The following TACC3 variants were observed in gnomAD, a reference collection of about 807,000 sequenced individuals.
TACC3 encodes transforming acidic coiled-coil-containing protein 3.
Under a neutral mutation model 86.0 loss-of-function variants are expected in TACC3, and 52 were observed. The ratio of observed to expected loss-of-function variants is 0.60; its 90% confidence interval spans 0.48 to 0.76. TACC3 has a LOEUF of 0.76. TACC3 is among the 30% of genes least tolerant of loss of function. TACC3 has a pLI of 0.00. For missense variants in TACC3, 1,120 were observed against 1,070.4 expected, an observed-to-expected ratio of 1.05 and a Z score of -0.65; for synonymous variants, 512 against 430.0, an observed-to-expected ratio of 1.19 and a Z score of -2.36.
chr4:1,728,724 A>G lies in TACC3; in HGVS notation c.1322A>G (p.Gln441Arg). 6.2e-7 allele frequency: 1 copy of G among 1,613,314 alleles called. No homozygotes were observed. Among genetic ancestry groups the G allele is most frequent in the African/African-American group, 1.3e-5 (1 of 75,070 alleles). Residue 441 changes from glutamine to arginine, a missense_variant, in exon 4 of 16, where the codon CAG becomes CGG. Gln to Arg is a conservative substitution (Grantham distance 43). Transcript: ENST00000313288. Reference protein sequence around the residue: ...PPESPETRLGQPAAEQLHAGP... With the variant: ...PPESPETRLGRPAAEQLHAGP... ...GAAAGCCCTGAGACCAGGCTGGGCC[A>G]GCCAGCGGCTGAACAGTTGCATGCT...
At chr4:1,740,710 C>A (rs1475162204) in intron 12 of TACC3, 116 bp from the exon 13 acceptor site, 7 of 875,948 alleles carry the variant, frequency 8.0e-6, no homozygotes, top group Non-Finnish European at 1.3e-5. Flanking sequence ...GGCTCACACC[C>A]ACTGCCCACC....
intron 4 of TACC3, among the ~76,000 whole-genome samples, chr4:1,730,028 A>G (rs1049071590): frequency 7.1e-6 from 1 of 139,982 alleles, no homozygotes; most frequent in Non-Finnish European, 1.6e-5. Context: ...GGTTTTTCCT[A>G]GGGTTATTTG....
At chr4:1,740,506 C>T (rs951470947) in intron 12 of TACC3, 7 of 328,190 alleles carry the variant, frequency 2.1e-5, no homozygotes, top group South Asian at 1.8e-4. Flanking sequence ...CCACGAAGCA[C>T]GACGCACATC....
chr4:1,720,762 A>T, upstream of TACC3: 1 of 1,589,344 alleles, frequency 6.3e-7, no homozygotes, highest in Non-Finnish European at 8.6e-7. This position sits in a 1 kb window ranked among gnomAD's most constrained non-coding sequence, Gnocchi z 4.4. Flanking sequence ...GCCGCGTGGA[A>T]CTCGTTGGGC....
chr4:1,724,379 CTTTTTTTTTT>C (rs35896374), intron 3 of TACC3, among the ~76,000 whole-genome samples: 1 of 108,384 alleles, frequency 9.2e-6, no homozygotes, highest in Non-Finnish European at 1.8e-5. Context: ...TCATACTTCA[CTTTTTTTTTT>C]TTTTTTTTTT....
intron 3 of TACC3, among the ~76,000 whole-genome samples, chr4:1,726,052 G>C (rs1717672063): frequency 6.6e-6 from 1 of 152,252 alleles, no homozygotes; most frequent in South Asian, 2.1e-4. Flanking sequence ...TCTTCTCAGG[G>C]ACCTGAAGGC....
intron 13 of TACC3, 100 bp downstream of exon 13, chr4:1,741,086 G>GGCC: frequency 8.0e-7 from 1 of 1,250,980 alleles, no homozygotes; most frequent in Non-Finnish European, 1.1e-6. Flanking sequence ...CTTGGTCCTT[G>GGCC]GCCAAGCCTC....
Position 1,728,556 on chromosome 4 carries a change from A to G in TACC3, c.1154A>G (p.Asp385Gly). The part of the protein sequence containing the change: ...QKAPQEVEED[D>G]GRSGAGEDPP... ...GCCCCGCAGGAGGTGGAGGAGGACG[A>G]CGGTAGGAGCGGAGCAGGAGAGGAC... The change falls in exon 4 of 16, where the codon GAC (aspartate) becomes GGC (glycine). Residue 385 changes from aspartate to glycine, a missense_variant. Physicochemically the swap from Asp to Gly is moderately conservative, Grantham distance 94 (BLOSUM62 -1). Coordinates refer to ENST00000313288, the MANE Select transcript of TACC3 (RefSeq NM_006342.3). The G allele has an allele frequency of 6.2e-7, 1 of 1,613,936 alleles. No individual in the cohort carries two copies. Among genetic ancestry groups the G allele is most frequent in the Non-Finnish European group, 8.5e-7 (1 of 1,179,950 alleles).
chr4:1,743,090 T>C (rs920553406), intron 13 of TACC3, among the ~76,000 whole-genome samples: 4 of 151,100 alleles, frequency 2.6e-5, no homozygotes, highest in African/African-American at 9.8e-5. Context: ...GGTGAAACCC[T>C]TTCTGTACTA....
Position 1,735,334 on chromosome 4 carries a change from C to G in TACC3, c.1644+9C>G. On this transcript the variant is annotated intron_variant, in intron 7 of 15. Coordinates refer to ENST00000313288, the MANE Select transcript of TACC3 (RefSeq NM_006342.3). The surrounding 1 kb of genome is among the most constrained non-coding windows in gnomAD (Gnocchi z 4.2). ...AGTTTGGAACTTCCTCGGTAGGTAC[C>G]AGGCAATTCCGCGAAGCCTCACCCA... 1 of 1,613,960 alleles carries G rather than the reference C, an allele frequency of 6.2e-7. No individual in the cohort carries two copies. Among genetic ancestry groups the G allele is most frequent in the South Asian group, 1.1e-5 (1 of 91,084 alleles).
chr4:1,737,740 A>G (rs772852684), intron 10 of TACC3, 38 bp downstream of exon 10: 3 of 1,528,900 alleles, frequency 2.0e-6, no homozygotes, highest in East Asian at 2.5e-5. Flanking sequence ...CAGAACCTGC[A>G]GGCCGCTCTG....
chr4:1,720,724 C>A, upstream of TACC3: 1 of 1,564,682 alleles, frequency 6.4e-7, no homozygotes, highest in East Asian at 2.4e-5. The surrounding 1 kb of genome is among the most constrained non-coding windows in gnomAD (Gnocchi z 4.4). Flanking sequence ...CCAGCCAGCC[C>A]GACAGCAGGT....
chr4:1,739,732 C>A lies in TACC3; in HGVS notation c.1972C>A (p.Leu658Met). Reference protein sequence around the residue: ...VKATQEENRELRSRCEELHGK... With the variant: ...VKATQEENREMRSRCEELHGK... ...GGCGACACAGGAGGAGAACCGGGAGCTGAGGAGCAGGTGTGAGGAGCTCCA... is the reference window on the plus strand; with the variant it reads ...GGCGACACAGGAGGAGAACCGGGAGATGAGGAGCAGGTGTGAGGAGCTCCA... The change falls in exon 11 of 16, where the codon CTG (leucine) becomes ATG (methionine). Residue 658 changes from leucine to methionine, a missense_variant. Transcript: ENST00000313288. The A allele has an allele frequency of 6.3e-7, 1 of 1,588,468 alleles. No homozygotes were observed.
intron 1 of TACC3, among the ~76,000 whole-genome samples, chr4:1,722,641 G>A (rs1439861191): frequency 6.6e-6 from 1 of 152,124 alleles, no homozygotes; most frequent in Non-Finnish European, 1.5e-5. Context: ...CCACCACCAG[G>A]TGCCTGTGGG....
chr4:1,731,995 C>T (rs1340880349), intron 6 of TACC3, among the ~76,000 whole-genome samples: 2 of 152,250 alleles, frequency 1.3e-5, no homozygotes, highest in Admixed American at 6.5e-5. Flanking sequence ...CAGTTAAATA[C>T]GGTTTGTCCG....
intron 3 of TACC3, among the ~76,000 whole-genome samples, chr4:1,725,299 CT>C (rs1028648918): frequency 2.0e-5 from 3 of 152,086 alleles, no homozygotes; most frequent in Non-Finnish European, 2.9e-5. Flanking sequence ...ACCACTGATG[CT>C]TCTCACCCCC....
chr4:1,735,143 A>G lies in TACC3; in HGVS notation c.1592-130A>G. 7.7e-7 allele frequency: 1 copy of G among 1,300,126 alleles called. No individual in the cohort carries two copies. Among genetic ancestry groups the G allele is most frequent in the Non-Finnish European group, 1.1e-6 (1 of 924,802 alleles). The allele number at this position is 1,300,126 out of a possible 1,614,324, so 80.5% of individuals were successfully genotyped here. On this transcript the variant is annotated intron_variant, in intron 6 of 15. Transcript: ENST00000313288. The surrounding 1 kb of genome is among the most constrained non-coding windows in gnomAD (Gnocchi z 4.2). ...GACAGCAGTCAGGCCCCGAACATCC[A>G]CACCTCCAAGGGAGGAAATACTGCT...
rs1718477193 is a variant in TACC3 at position 1,739,763 on chromosome 4, A to G, written c.2003A>G (p.Lys668Arg). 6.3e-7 allele frequency: 1 copy of G among 1,586,130 alleles called. No individual in the cohort carries two copies. Among genetic ancestry groups the G allele is most frequent in the African/African-American group, 1.3e-5 (1 of 74,342 alleles). ...LRSRCEELHGKNLELGKIMDR... is the reference protein window; with the variant it reads ...LRSRCEELHGRNLELGKIMDR... Reference sequence around the variant, plus strand: ...AGCAGGTGTGAGGAGCTCCACGGGAAGAACCTGGAACTGGGGTAAGGAGGC... The same window carrying G: ...AGCAGGTGTGAGGAGCTCCACGGGAGGAACCTGGAACTGGGGTAAGGAGGC... Residue 668 changes from lysine (K) to arginine (R), a missense_variant, in exon 11 of 16, where the codon AAG becomes AGG. Coordinates refer to ENST00000313288, the MANE Select transcript of TACC3 (RefSeq NM_006342.3).
intron 13 of TACC3, 90 bp from the exon 14 acceptor site, chr4:1,744,428 C>T: frequency 1.6e-6 from 2 of 1,224,032 alleles, no homozygotes; most frequent in Non-Finnish European, 2.3e-6. Flanking sequence ...CCCCAGACAG[C>T]CTCGAGGATC....
Sources: allele counts gnomAD v4.1 joint callset (sites outside exome capture counted in the v4.1 genomes callset), GRCh38; gene constraint gnomAD v4.1.1; non-coding constraint Gnocchi (gnomAD v3.1); transcripts MANE v1.5; gene names NCBI Gene and HGNC (gene_info 2026-07-23, HGNC 2026-07-21).